Variants in FMN1 observed in about 807,000 individuals in gnomAD.
FMN1 encodes formin-1.
In FMN1, 110 loss-of-function variants were observed where a neutral mutation model predicts 132.4. The observed-to-expected ratio is 0.83, with a 90% CI of 0.71 to 0.97. The LOEUF is 0.97. Ranked by LOEUF, FMN1 falls within the 50% of genes least tolerant of loss-of-function variation. The probability of loss-of-function intolerance (pLI) is 0.00; values close to 1 mark genes in which losing one functional copy is unlikely to be tolerated. For synonymous variants in FMN1, 722 were observed against 651.7 expected (o/e 1.11, Z -1.64); for missense variants, 1,792 against 1,705.3 (o/e 1.05, Z -0.90).
At chr15:33,054,083 C>T (rs1026424172) in intron 6 of FMN1, among the ~76,000 whole-genome samples, 1 of 152,136 alleles carries the variant, frequency 6.6e-6, no homozygotes, top group African/African-American at 2.4e-5. Context: ...CGGTGTCCAA[C>T]CCCCATCCTG....
At chr15:32,792,329 C>T (rs1433395505) in intron 19 of FMN1, among the ~76,000 whole-genome samples, 1 of 151,518 alleles carries the variant, frequency 6.6e-6, no homozygotes, top group African/African-American at 2.4e-5. Context: ...CCTGTAGTCC[C>T]AGCTACTTGG....
chr15:32,919,156 A>T (rs926080974), intron 10 of FMN1, among the ~76,000 whole-genome samples: 3 of 142,902 alleles, frequency 2.1e-5, no homozygotes, highest in African/African-American at 9.0e-5. Context: ...ACATATTGTG[A>T]TGGGGGGGGT....
intron 6 of FMN1, among the ~76,000 whole-genome samples, chr15:33,045,230 C>A (rs1236660953): frequency 6.6e-6 from 1 of 152,236 alleles, no homozygotes; most frequent in Non-Finnish European, 1.5e-5. Flanking sequence ...CATCCCGCTG[C>A]AGCCAGCATG....
At chr15:32,951,147 G>T (rs2061643728) in intron 9 of FMN1, among the ~76,000 whole-genome samples, 1 of 151,906 alleles carries the variant, frequency 6.6e-6, no homozygotes, top group Non-Finnish European at 1.5e-5. Context: ...ACCAAAATCG[G>T]TCATTCTACA....
chr15:32,942,747 G>A (rs922198640), intron 9 of FMN1, among the ~76,000 whole-genome samples: 1 of 152,154 alleles, frequency 6.6e-6, no homozygotes, highest in Non-Finnish European at 1.5e-5. Context: ...TCCATCTCCA[G>A]CACAGTCAGT....
intron 17 of FMN1, among the ~76,000 whole-genome samples, chr15:32,812,012 CACTAAACA>C (rs1190018811): frequency 9.0e-6 from 1 of 110,498 alleles, no homozygotes; most frequent in African/African-American, 3.4e-5. Context: ...ATTTTATGGA[CACTAAACA>C]AACAAACAAA....
chr15:33,012,791 G>A (rs2034804036), intron 6 of FMN1: 9 of 688,480 alleles, frequency 1.3e-5, no homozygotes, highest in South Asian at 9.8e-5. Context: ...AGTGGTCATG[G>A]TGGCTTTAGT....
intron 6 of FMN1, among the ~76,000 whole-genome samples, chr15:33,039,688 T>C (rs1351746395): frequency 3.9e-5 from 6 of 152,192 alleles, no homozygotes; most frequent in African/African-American, 1.4e-4. Context: ...ACAATAGGCT[T>C]AGCAAGAAAA....
chr15:32,843,678 G>A (rs1385073100), intron 17 of FMN1, among the ~76,000 whole-genome samples: 1 of 152,154 alleles, frequency 6.6e-6, no homozygotes, highest in Non-Finnish European at 1.5e-5. Flanking sequence ...TGAGCTCAGT[G>A]GGCAGACGGT....
intron 4 of FMN1, chr15:33,151,519 A>G: frequency 2.6e-6 from 2 of 767,850 alleles, no homozygotes; most frequent in Non-Finnish European, 4.0e-6. Context: ...GCCTGCCTTG[A>G]TCCAGATACA....
At chr15:32,942,859 T>C (rs1469978820) in intron 9 of FMN1, among the ~76,000 whole-genome samples, 1 of 152,172 alleles carries the variant, frequency 6.6e-6, no homozygotes, top group African/African-American at 2.4e-5. Context: ...ACTAAGGGCA[T>C]GTGAAAGTTG....
rs369594281 is a variant in FMN1, at chr15:33,019,826, C to T, written c.2162-11751G>A. On this transcript the variant is annotated intron_variant, in intron 6 of 20. Transcript: ENST00000616417. ...ACCTCTAGCTGGCCCGCAAGCACCGCGTGCAGCCCTGGTTCCCGTCCGTGC... is the reference window on the plus strand; with the variant it reads ...ACCTCTAGCTGGCCCGCAAGCACCGTGTGCAGCCCTGGTTCCCGTCCGTGC... Among the ~76,000 whole-genome samples, 96 of 152,294 alleles carry T rather than the reference C, an allele frequency of 6.3e-4. 2 individuals are homozygous for T. In the South Asian group the frequency reaches 0.018, roughly 29 times the overall value.
At chr15:32,779,659 T>C (rs140593813) in intron 19 of FMN1, among the ~76,000 whole-genome samples, 2 of 152,306 alleles carry the variant, frequency 1.3e-5, no homozygotes, top group East Asian at 3.9e-4. Context: ...CAGGGTGATA[T>C]ATGAGAATAG....
intron 17 of FMN1, among the ~76,000 whole-genome samples, chr15:32,830,430 C>T (rs2058471861): frequency 6.6e-6 from 1 of 152,080 alleles, no homozygotes; most frequent in Admixed American, 6.5e-5. Context: ...GTTTAATTTT[C>T]CTTTTTGAGT....
At chr15:32,797,484 CT>C (rs1177601563) in intron 19 of FMN1, among the ~76,000 whole-genome samples, 1 of 152,170 alleles carries the variant, frequency 6.6e-6, no homozygotes, top group Non-Finnish European at 1.5e-5. Context: ...TTTTAGCTTA[CT>C]TTAAAGGGCT....
chr15:32,859,170 T>C (rs767147607), intron 16 of FMN1, among the ~76,000 whole-genome samples: 3 of 152,030 alleles, frequency 2.0e-5, no homozygotes, highest in Non-Finnish European at 2.9e-5. Context: ...AGATCAAGAG[T>C]TAAATTTGAT....
intron 7 of FMN1, among the ~76,000 whole-genome samples, chr15:32,987,823 C>G (rs1185443677): frequency 6.6e-6 from 1 of 152,112 alleles, no homozygotes; most frequent in African/African-American, 2.4e-5. Flanking sequence ...CAGGCCAGTA[C>G]TAAAACTTGG....
chr15:32,902,814 A>G (rs1475036092), intron 12 of FMN1, among the ~76,000 whole-genome samples: 1 of 152,220 alleles, frequency 6.6e-6, no homozygotes, highest in Non-Finnish European at 1.5e-5. Context: ...CTCCAGGCCA[A>G]CCACCAGAGG....
At position 32,948,423 on chromosome 15, in the gene FMN1, T is replaced by C. The variant is rs554708762; in HGVS notation, c.3138+15684A>G. Among the ~76,000 whole-genome samples, 5 of 152,052 alleles carry C rather than the reference T, an allele frequency of 3.3e-5. No individual in the cohort carries two copies. In the South Asian group the frequency reaches 1.0e-3, roughly 32 times the overall value. ...GTCTGGTTGTGCTATCAAGATTATA[T>C]ATACTAGTCTTGAGTTTAATATTAT... On this transcript the variant is annotated intron_variant, in intron 9 of 20. Transcript: ENST00000616417.
Sources: gnomAD v4.1 joint callset for allele counts (sites outside exome capture counted in the v4.1 genomes callset) on GRCh38, gnomAD v4.1.1 for gene constraint, MANE v1.5 for transcripts, NCBI Gene and HGNC (gene_info 2026-07-23, HGNC 2026-07-21) for gene names.